The following NPAS3 variants were observed in gnomAD, a reference collection of about 807,000 sequenced individuals.
NPAS3 encodes the protein neuronal PAS domain protein 3, also known as neuronal PAS domain-containing protein 3.
Under a neutral mutation model 73.1 loss-of-function variants are expected in NPAS3, and 14 were observed. That is an observed-to-expected ratio of 0.19 (90% CI 0.13 to 0.30). The LOEUF (loss-of-function observed/expected upper bound fraction) is 0.30, where lower values mean the gene tolerates loss of function less well. Among genes scored for constraint, NPAS3 ranks in the 10% least tolerant of loss-of-function variants. NPAS3 has a pLI of 1.00. For synonymous variants in NPAS3, 620 were observed against 541.5 expected, an observed-to-expected ratio of 1.14 and a Z score of -2.01; for missense variants, 1,096 against 1,250.0, an observed-to-expected ratio of 0.88 and a Z score of 1.86.
chr14:33,501,903 A>G (rs977584694), intron 4 of NPAS3, among the ~76,000 whole-genome samples: 12 of 151,972 alleles, frequency 7.9e-5, no homozygotes, highest in Non-Finnish European at 1.5e-4. Flanking sequence ...TCTCTGGAGC[A>G]CATTTATACG....
At chr14:32,939,638 A>AAG (rs1555373361) in intron 1 of NPAS3, among the ~76,000 whole-genome samples, 4 of 149,334 alleles carry the variant, frequency 2.7e-5, no homozygotes, top group Admixed American at 2.0e-4. Flanking sequence ...AAAAAAAAAA[A>AAG]AAGAAGAAAG....
chr14:33,684,354 C>G (rs947215397), intron 6 of NPAS3, among the ~76,000 whole-genome samples: 2 of 151,814 alleles, frequency 1.3e-5, no homozygotes, highest in Non-Finnish European at 2.9e-5. Flanking sequence ...CTCTGTCGCC[C>G]AGGCTGGAGT....
intron 4 of NPAS3, among the ~76,000 whole-genome samples, chr14:33,500,009 C>T (rs555448075): frequency 2.6e-5 from 4 of 151,982 alleles, no homozygotes; most frequent in Admixed American, 1.3e-4. Flanking sequence ...ATTTCTCTTA[C>T]GTTCTCCCCA....
chr14:33,392,956 A>G (rs527828609), intron 4 of NPAS3, among the ~76,000 whole-genome samples: 2 of 152,246 alleles, frequency 1.3e-5, no homozygotes, highest in South Asian at 4.1e-4. Flanking sequence ...TACAGGAAAT[A>G]ATGTTTGCTG....
intron 2 of NPAS3, among the ~76,000 whole-genome samples, chr14:33,151,878 A>G (rs557700728): frequency 1.1e-4 from 16 of 152,336 alleles, no homozygotes; most frequent in South Asian, 6.2e-4. Flanking sequence ...GGCAGCTGCT[A>G]CTAGTACTCC....
chr14:33,619,303 T>C (rs1402535688), intron 5 of NPAS3, among the ~76,000 whole-genome samples: 1 of 152,212 alleles, frequency 6.6e-6, no homozygotes, highest in Non-Finnish European at 1.5e-5. Flanking sequence ...TACCTTTGTC[T>C]ATAGGTTTTG....
chr14:33,543,995 ATATATATC>A (rs1196766077), intron 4 of NPAS3, among the ~76,000 whole-genome samples: 20 of 121,450 alleles, frequency 1.6e-4, no homozygotes, highest in African/African-American at 4.8e-4. Context: ...ATATATATAT[ATATATATC>A]TATATCAGGA....
chr14:33,518,320 C>G (rs2053398700), intron 4 of NPAS3, among the ~76,000 whole-genome samples: 1 of 151,962 alleles, frequency 6.6e-6, no homozygotes, highest in Non-Finnish European at 1.5e-5. Flanking sequence ...GGAGTCAGTT[C>G]CTCTAGTTGG....
intron 2 of NPAS3, among the ~76,000 whole-genome samples, chr14:33,190,578 C>T (rs142880613): frequency 0.017 from 2,659 of 152,234 alleles, 31 homozygotes; most frequent in Middle Eastern, 0.054. Flanking sequence ...ACAAGTGAGT[C>T]GAAAGAAGAA....
intron 2 of NPAS3, among the ~76,000 whole-genome samples, chr14:33,213,196 G>A (rs28674728): frequency 0.21 from 31,969 of 151,410 alleles, 3,812 homozygotes; most frequent in South Asian, 0.38. Context: ...CCTTGAGTTC[G>A]TAACCCCTGC....
chr14:33,527,617 A>G (rs1390044468), intron 4 of NPAS3, among the ~76,000 whole-genome samples: 1 of 152,174 alleles, frequency 6.6e-6, no homozygotes, highest in Non-Finnish European at 1.5e-5. Flanking sequence ...TAATAAATGC[A>G]TGGTCACATC....
chr14:33,532,556 T>C (rs2054092205), intron 4 of NPAS3, among the ~76,000 whole-genome samples: 1 of 152,064 alleles, frequency 6.6e-6, no homozygotes, highest in Admixed American at 6.6e-5. Context: ...CTCATAGGGC[T>C]CATAAATGGC....
At chr14:33,032,206 G>A (rs965415643) in intron 1 of NPAS3, among the ~76,000 whole-genome samples, 8 of 152,212 alleles carry the variant, frequency 5.3e-5, no homozygotes, top group African/African-American at 1.7e-4. Context: ...AAGATTGCCA[G>A]ACTGAACATT....
chr14:33,627,422 C>A (rs369717344), intron 5 of NPAS3, among the ~76,000 whole-genome samples: 3 of 152,006 alleles, frequency 2.0e-5, no homozygotes, highest in East Asian at 1.9e-4. Flanking sequence ...TCGGGATGCA[C>A]CTAACTGAAA....
At chr14:33,313,409 A>T (rs1415818433) in intron 3 of NPAS3, among the ~76,000 whole-genome samples, 1 of 152,058 alleles carries the variant, frequency 6.6e-6, no homozygotes, top group Non-Finnish European at 1.5e-5. Flanking sequence ...CAGTCAGAAT[A>T]AGTATTTAGA....
chr14:33,425,588 T>C (rs572123592), intron 4 of NPAS3, among the ~76,000 whole-genome samples: 11 of 150,654 alleles, frequency 7.3e-5, no homozygotes, highest in Non-Finnish European at 1.5e-4. Context: ...GTGCTTGACA[T>C]GTAATAGACA....
intron 3 of NPAS3, among the ~76,000 whole-genome samples, chr14:33,279,330 C>T (rs1377139544): frequency 6.6e-6 from 1 of 152,120 alleles, no homozygotes; most frequent in Non-Finnish European, 1.5e-5. Context: ...GTACCAGGCA[C>T]AATGCTAATC....
intron 4 of NPAS3, among the ~76,000 whole-genome samples, chr14:33,421,031 A>G (rs2048341303): frequency 6.6e-6 from 1 of 151,912 alleles, no homozygotes; most frequent in South Asian, 2.1e-4. Context: ...TTTTCATGCT[A>G]TATTACTTTG....
Position 33,448,020 on chromosome 14 carries a change from C to T in NPAS3, c.468+80752C>T, listed in dbSNP as rs555326148. Among the ~76,000 whole-genome samples the T allele has an allele frequency of 5.9e-5, 9 of 152,286 alleles. No individual in the cohort carries two copies. The South Asian group carries it at 1.7e-3, about 28-fold the overall frequency. On this transcript the variant is annotated intron_variant, in intron 4 of 11. Transcript: ENST00000356141. ...TGTGGCAGAGGGAACAGTTAGCCTCCAGCACGTCTGGCCAGAATATTTGGG... is the reference window on the plus strand; with the variant it reads ...TGTGGCAGAGGGAACAGTTAGCCTCTAGCACGTCTGGCCAGAATATTTGGG...
Sources: gnomAD v4.1 joint callset for allele counts (sites outside exome capture counted in the v4.1 genomes callset) on GRCh38, gnomAD v4.1.1 for gene constraint, MANE v1.5 for transcripts, NCBI Gene and HGNC (gene_info 2026-07-23, HGNC 2026-07-21) for gene names.